TECRL: variants seen among roughly 807,000 people sequenced by gnomAD.
TECRL encodes trans-2,3-enoyl-CoA reductase like.
TECRL carries 63 observed loss-of-function variants against 52.8 expected under a neutral mutation model. The ratio of observed to expected loss-of-function variants is 1.19; its 90% CI spans 0.97 to 1.47. TECRL has a LOEUF of 1.47. Ranked by LOEUF, TECRL falls within the 40% of genes most tolerant of loss-of-function variation. TECRL has a pLI of 0.00. For synonymous variants in TECRL, 164 were observed against 141.9 expected (o/e 1.16, Z -1.10); for missense variants, 482 against 429.6 (o/e 1.12, Z -1.08).
At chr4:64,281,903 G>A (rs1722847244) in intron 9 of TECRL, among the ~76,000 whole-genome samples, 1 of 151,812 alleles carries the variant, frequency 6.6e-6, no homozygotes, top group Non-Finnish European at 1.5e-5. Context: ...AAATTATAAA[G>A]TGTGTTTTAA....
At chr4:64,379,498 C>T (rs1383722334) in intron 1 of TECRL, among the ~76,000 whole-genome samples, 1 of 152,070 alleles carries the variant, frequency 6.6e-6, no homozygotes, top group Non-Finnish European at 1.5e-5. Context: ...CAAATCCTTT[C>T]TTCTAGCTAT....
intron 1 of TECRL, among the ~76,000 whole-genome samples, chr4:64,400,679 G>GTTCT (rs1386793054): frequency 2.0e-5 from 3 of 152,076 alleles, no homozygotes. Flanking sequence ...TAGTGAGTGA[G>GTTCT]TTCTTGCAGG....
At chr4:64,382,999 T>C (rs993921840) in intron 1 of TECRL, among the ~76,000 whole-genome samples, 1 of 152,182 alleles carries the variant, frequency 6.6e-6, no homozygotes, top group Non-Finnish European at 1.5e-5. Context: ...TTTCAGTTTT[T>C]GCTTATCTGG....
At chr4:64,396,342 G>T (rs925574768) in intron 1 of TECRL, among the ~76,000 whole-genome samples, 2 of 151,952 alleles carry the variant, frequency 1.3e-5, no homozygotes, top group Non-Finnish European at 2.9e-5. Flanking sequence ...GCTAATTTTT[G>T]ACTTTAATAG....
intron 2 of TECRL, among the ~76,000 whole-genome samples, chr4:64,335,818 T>A (rs1719035730): frequency 6.6e-6 from 1 of 152,228 alleles, no homozygotes; most frequent in Admixed American, 6.5e-5. Flanking sequence ...AATATTTGTT[T>A]TCTTGATTTG....
intron 1 of TECRL, among the ~76,000 whole-genome samples, chr4:64,384,046 G>A (rs922440773): frequency 6.6e-6 from 1 of 152,134 alleles, no homozygotes; most frequent in Non-Finnish European, 1.5e-5. Context: ...GCACTTGTAG[G>A]TGAAGGCTGT....
intron 2 of TECRL, among the ~76,000 whole-genome samples, chr4:64,348,979 G>T (rs1301549728): frequency 6.7e-6 from 1 of 149,406 alleles, no homozygotes; most frequent in African/African-American, 2.5e-5. Context: ...CTCCAATCAG[G>T]AGAACAGATT....
intron 1 of TECRL, among the ~76,000 whole-genome samples, chr4:64,395,128 C>T (rs968103611): frequency 1.3e-5 from 2 of 151,842 alleles, no homozygotes; most frequent in African/African-American, 4.8e-5. Flanking sequence ...CTATGTTGGC[C>T]AGGCTGGTCT....
chr4:64,298,489 G>T (rs146942248), intron 8 of TECRL, among the ~76,000 whole-genome samples: 2 of 150,808 alleles, frequency 1.3e-5, no homozygotes, highest in Non-Finnish European at 3.0e-5. Flanking sequence ...AACATTTTAT[G>T]AAAAATATTA....
chr4:64,335,811 A>T (rs1719034290), intron 2 of TECRL, among the ~76,000 whole-genome samples: 1 of 152,062 alleles, frequency 6.6e-6, no homozygotes, highest in Non-Finnish European at 1.5e-5. Context: ...CTTCAAAAAT[A>T]TTTGTTTTCT....
intron 2 of TECRL, among the ~76,000 whole-genome samples, chr4:64,358,507 G>T (rs1720943561): frequency 6.6e-6 from 1 of 151,568 alleles, no homozygotes; most frequent in Non-Finnish European, 1.5e-5. Context: ...AGGTATTGGA[G>T]AACAATAGGT....
chr4:64,368,148 C>T (rs1026339791), intron 2 of TECRL, among the ~76,000 whole-genome samples: 2 of 152,128 alleles, frequency 1.3e-5, no homozygotes, highest in African/African-American at 4.8e-5. Flanking sequence ...ATATAGCTTT[C>T]ATAAAATGTA....
intron 1 of TECRL, among the ~76,000 whole-genome samples, chr4:64,384,091 G>T (rs1723008569): frequency 6.6e-6 from 1 of 152,048 alleles, no homozygotes; most frequent in Non-Finnish European, 1.5e-5. Flanking sequence ...ACATCAGGTG[G>T]GTAATGCTTA....
Position 64,281,535 on chromosome 4 carries a change from G to C in TECRL, c.857C>G (p.Pro286Arg). 6.2e-7 allele frequency: 1 copy of C among 1,603,598 alleles called. No homozygotes were observed. Among genetic ancestry groups the C allele is most frequent in the Non-Finnish European group, 8.5e-7 (1 of 1,174,282 alleles). The change falls in exon 10 of 12, where the codon CCA (proline) becomes CGA (arginine). Residue 286 changes from proline (P) to arginine (R), a missense_variant. Pro to Arg is a moderately radical substitution (Grantham distance 103, BLOSUM62 -2). Transcript: ENST00000381210. ...HTGNNACFPSPNYNPFTWMFF... is the reference protein window; with the variant it reads ...HTGNNACFPSRNYNPFTWMFF... ...CATCCATGTGAAGGGGTTATAATTT[G>C]GACTTGGGAAACAGGCATTGTTTCC... is the stretch of plus-strand genomic sequence containing the variant.
intron 4 of TECRL, among the ~76,000 whole-genome samples, chr4:64,317,209 C>T (rs559149962): frequency 7.2e-5 from 11 of 151,922 alleles, no homozygotes; most frequent in South Asian, 2.1e-4. Flanking sequence ...ACCTGGGAGG[C>T]GGAGCTTGCA....
At chr4:64,304,759 T>C (rs1560484007) in intron 7 of TECRL, 1 of 152,586 alleles carries the variant, frequency 6.6e-6, no homozygotes. Flanking sequence ...AAATAGAAAC[T>C]GATAAGTCAC....
chr4:64,390,344 A>G lies in TECRL; in HGVS notation c.235-15121T>C, dbSNP rs530626663. Among the ~76,000 whole-genome samples the G allele has an allele frequency of 2.2e-4, 33 of 151,988 alleles. No homozygotes were observed. In the South Asian group the frequency reaches 6.0e-3, roughly 28 times the overall value. On this transcript the variant is annotated intron_variant, in intron 1 of 11. Transcript: ENST00000381210. ...ATTTCTCTCAGAGGGAATGTTTTAT[A>G]TCTTCAACATGTCAAAGTGGAGCAT... is the stretch of plus-strand genomic sequence containing the variant.
intron 2 of TECRL, among the ~76,000 whole-genome samples, chr4:64,334,030 C>CAAAAGAAAAAAAAAAAAAA (rs1718855115): frequency 3.6e-5 from 1 of 28,042 alleles, no homozygotes; most frequent in Non-Finnish European, 8.6e-5. Flanking sequence ...GACTCCGTCT[C>CAAAAGAAAAAAAAAAAAAA]AAAAAAAAAA....
chr4:64,349,640 T>C lies in TECRL; in HGVS notation c.287-21084A>G, dbSNP rs891802528. 5.3e-5 allele frequency among the ~76,000 whole-genome samples: 8 copies of C among 152,318 alleles called. 1 individual carries two copies. Among genetic ancestry groups the C allele is most frequent in the African/African-American group, 1.9e-4 (8 of 41,572 alleles). On this transcript the variant is annotated intron_variant, in intron 2 of 11. Transcript: ENST00000381210. ...CTCAGGGCATAGTTTTAAATATTAA[T>C]ATTACTTAGCATATAGTGATTGAAT... is the stretch of plus-strand genomic sequence containing the variant.
Sources: gnomAD v4.1 joint callset for allele counts (sites outside exome capture counted in the v4.1 genomes callset) on GRCh38, gnomAD v4.1.1 for gene constraint, MANE v1.5 for transcripts, NCBI Gene and HGNC (gene_info 2026-07-23, HGNC 2026-07-21) for gene names.